Variants in EMC1 observed in about 807,000 individuals in gnomAD.
EMC1 encodes the protein ER membrane protein complex subunit 1, also known as KIAA0090.
Under a neutral mutation model 128.8 loss-of-function variants are expected in EMC1, and 103 were observed. The ratio of observed to expected loss-of-function variants is 0.80; its 90% CI spans 0.68 to 0.94. The LOEUF (loss-of-function observed/expected upper bound fraction) is 0.94, where lower values mean the gene tolerates loss of function less well. Among genes scored for constraint, EMC1 ranks in the 40% least tolerant of loss-of-function variants. EMC1 has a pLI of 0.00. For missense variants in EMC1, 1,083 were observed against 1,250.6 expected, an observed-to-expected ratio of 0.87 and a Z score of 2.02; for synonymous variants, 442 against 490.4, an observed-to-expected ratio of 0.90 and a Z score of 1.30.
rs769716915 is a variant in EMC1 at position 19,251,450 on chromosome 1, G to A, written c.60C>T (p.Ala20=). 4 of 1,614,152 alleles carry A rather than the reference G, an allele frequency of 2.5e-6. No individual in the cohort carries two copies. Among genetic ancestry groups the A allele is most frequent in the Admixed American group, 1.7e-5 (1 of 60,034 alleles). Residue 20 remains alanine, a synonymous_variant, in exon 1 of 23, where the codon GCC becomes GCT. Transcript: ENST00000477853. ...TGCCCACTTGGTCTTCGTAGACCGCGGCCGCAGGAATCAGCAGCGTAGCCC... is the reference window on the plus strand; with the variant it reads ...TGCCCACTTGGTCTTCGTAGACCGCAGCCGCAGGAATCAGCAGCGTAGCCC... ...WLWATLLIPA[A]AVYEDQVGKF...
chr1:19,247,012 T>C (rs1182318890), intron 1 of EMC1, among the ~76,000 whole-genome samples: 1 of 152,178 alleles, frequency 6.6e-6, no homozygotes, highest in Admixed American at 6.5e-5. Context: ...AAAGGCCATG[T>C]AAGGATACAG....
Position 19,236,079 on chromosome 1 carries a change from A to C in EMC1, c.1310-827T>G, listed in dbSNP as rs189609731. 3.2e-3 allele frequency among the ~76,000 whole-genome samples: 487 copies of C among 152,188 alleles called. 1 individual carries two copies. Among genetic ancestry groups the C allele is most frequent in the Admixed American group, 6.4e-3 (98 of 15,274 alleles). On this transcript the variant is annotated intron_variant, in intron 12 of 22. Transcript: ENST00000477853. ...CACCGAGAATGCCAAGTTATTCTTC[A>C]AAAGCAGGTAACGGGGCCGGGCATA...
At chr1:19,240,055 C>T (rs2093595108) in intron 7 of EMC1, 70 bp from the exon 8 acceptor site, 1 of 1,478,258 alleles carries the variant, frequency 6.8e-7, no homozygotes, top group Non-Finnish European at 9.2e-7. Flanking sequence ...AGGCTCACAA[C>T]CTCTGCCCTA....
At chr1:19,224,552 A>G (rs1466877145) in intron 18 of EMC1, among the ~76,000 whole-genome samples, 1 of 152,086 alleles carries the variant, frequency 6.6e-6, no homozygotes, top group Non-Finnish European at 1.5e-5. Flanking sequence ...CTTCAAAAGT[A>G]CCCAGAACCT....
chr1:19,246,173 T>C (rs1273245592), intron 1 of EMC1, among the ~76,000 whole-genome samples: 4 of 151,768 alleles, frequency 2.6e-5, no homozygotes, highest in African/African-American at 9.7e-5. Flanking sequence ...GGTGGATCAT[T>C]TAAGATCAGG....
Position 19,227,370 on chromosome 1 carries a change from G to T in EMC1, c.2145C>A (p.Ser715Arg), listed in dbSNP as rs1432089657. ...GGCCCTGGGAATGAACGTGCTCACT[G>T]CTGCGTTTCCCCTTCACCTTGACGA... ...QRIVKVKGKRSSEHVHSQGRV... is the reference protein window; with the variant it reads ...QRIVKVKGKRRSEHVHSQGRV... The change falls in exon 18 of 23, where the codon AGC becomes AGA. Residue 715 changes from serine (S) to arginine (R), a missense_variant. Transcript: ENST00000477853. 6.2e-7 allele frequency: 1 copy of T among 1,614,082 alleles called. No individual in the cohort carries two copies. The highest frequency in any genetic ancestry group is 1.3e-5 in the African/African-American group (1 of 74,938).
intron 3 of EMC1, 51 bp downstream of exon 3, chr1:19,243,899 A>G (rs2093619581): frequency 6.3e-7 from 1 of 1,593,092 alleles, no homozygotes; most frequent in African/African-American, 1.3e-5. Flanking sequence ...GAGCCAAGGA[A>G]TGGGACAGGG....
Position 19,235,364 on chromosome 1 carries a change from T to C in EMC1, c.1310-112A>G, listed in dbSNP as rs529054488. 65 of 1,146,294 alleles carry C rather than the reference T, an allele frequency of 5.7e-5. No individual in the cohort carries two copies. In the South Asian group the frequency reaches 9.3e-4, roughly 16 times the overall value. 71.0% of individuals were successfully genotyped at this position (1,146,294 alleles called of 1,614,324 possible). A position where few individuals can be genotyped will look rare whatever the true frequency, so the allele number is the denominator to read the frequency against. On this transcript the variant is annotated intron_variant, in intron 12 of 22. Coordinates refer to ENST00000477853, the MANE Select transcript of EMC1 (RefSeq NM_015047.3). ...GGGTGAATCTCTTGAGCCCAGGAATTTGAGACCAGCCTGGACAACAGGGCA... is the reference window on the plus strand; with the variant it reads ...GGGTGAATCTCTTGAGCCCAGGAATCTGAGACCAGCCTGGACAACAGGGCA...
At position 19,235,518 on chromosome 1, in the gene EMC1, T is replaced by C. The variant is rs368932461; in HGVS notation, c.1310-266A>G. ...GAGATCGAGACCATCCTGGCTAACATGGTGAAACCCCTCTCTACTAAAAAT... is the reference window on the plus strand; with the variant it reads ...GAGATCGAGACCATCCTGGCTAACACGGTGAAACCCCTCTCTACTAAAAAT... On this transcript the variant is annotated intron_variant, in intron 12 of 22. Transcript: ENST00000477853. 3.4e-4 allele frequency among the ~76,000 whole-genome samples: 51 copies of C among 152,218 alleles called. 1 individual carries two copies. In the South Asian group the frequency reaches 8.1e-3, roughly 24 times the overall value.
chr1:19,237,022 T>A, intron 12 of EMC1, 120 bp downstream of exon 12: 136 of 456,858 alleles, frequency 3.0e-4, no homozygotes, highest in Non-Finnish European at 4.2e-4. Context: ...AACGAAACAC[T>A]CAGGGCACAC....
intron 13 of EMC1, among the ~76,000 whole-genome samples, chr1:19,234,752 A>T (rs2093550461): frequency 6.6e-6 from 1 of 152,064 alleles, no homozygotes; most frequent in Non-Finnish European, 1.5e-5. Flanking sequence ...AGGCTGAGGC[A>T]GGAGAGCTGC....
intron 1 of EMC1, among the ~76,000 whole-genome samples, chr1:19,249,486 T>C (rs1303866841): frequency 3.3e-5 from 5 of 152,248 alleles, no homozygotes; most frequent in African/African-American, 1.2e-4. Flanking sequence ...GAATAGGCTG[T>C]ACCATATAGC....
chr1:19,238,562 G>T (rs1035512734), intron 10 of EMC1, among the ~76,000 whole-genome samples: 6 of 152,172 alleles, frequency 3.9e-5, no homozygotes, highest in African/African-American at 1.4e-4. Context: ...AAAGAAATGG[G>T]GACGCTGAGG....
chr1:19,232,118 C>T lies in EMC1; in HGVS notation c.1782+506G>A, dbSNP rs560355418. On this transcript the variant is annotated intron_variant, in intron 15 of 22. Coordinates refer to ENST00000477853, the MANE Select transcript of EMC1 (RefSeq NM_015047.3). The stretch of plus-strand genomic sequence containing the variant: ...CTCTACTAAACATACAAAAATCAGC[C>T]GGGCATGATGGCGTGTGCCTGTAAT... Among the ~76,000 whole-genome samples the T allele has an allele frequency of 3.3e-5, 5 of 152,218 alleles. No individual in the cohort carries two copies. In the East Asian group the frequency reaches 7.8e-4, roughly 24 times the overall value.
chr1:19,219,827 C>G (rs2093417856), intron 21 of EMC1, 129 bp from the exon 22 acceptor site: 3 of 986,122 alleles, frequency 3.0e-6, no homozygotes, highest in Non-Finnish European at 4.5e-6. Context: ...GGTCTGCTTG[C>G]ATTAGGTAGT....
chr1:19,231,357 G>A lies in EMC1; in HGVS notation c.1848C>T (p.Pro616=), dbSNP rs1253990574. ...PIFGKWSQVA[P]PVLKRPILQS... ...GCAAGATGGGGCGCTTCAGCACTGG[G>A]GGAGCTACCTGACTCCACTTCCCAA... The change falls in exon 16 of 23, where the codon CCC becomes CCT. Residue 616 remains proline (P), a synonymous_variant. Coordinates refer to ENST00000477853, the MANE Select transcript of EMC1 (RefSeq NM_015047.3). 6.2e-7 allele frequency: 1 copy of A among 1,612,754 alleles called. No homozygotes were observed. The highest frequency in any genetic ancestry group is 8.5e-7 in the Non-Finnish European group (1 of 1,179,706).
At chr1:19,242,240 G>C in intron 5 of EMC1, 105 bp downstream of exon 5, 8 of 1,247,490 alleles carry the variant, frequency 6.4e-6, no homozygotes, top group Non-Finnish European at 9.2e-6. Flanking sequence ...ACACCAACAA[G>C]AGACAGGCCT....
In EMC1 at chr1:19,230,947, G is replaced by C; in HGVS notation, c.1961C>G (p.Ala654Gly). The C allele has an allele frequency of 6.2e-7, 1 of 1,614,148 alleles. No homozygotes were observed. The highest frequency in any genetic ancestry group is 8.5e-7 in the Non-Finnish European group (1 of 1,180,032). The change falls in exon 17 of 23, where the codon GCC (alanine) becomes GGC (glycine). Residue 654 changes from alanine to glycine, a missense_variant. Around this residue, in one of 3 missense-constraint regions of EMC1, gnomAD observed 527 missense variants for 644.1 expected, o/e 0.82. Transcript: ENST00000477853. The stretch of plus-strand genomic sequence containing the variant: ...TAGCTGTCGCAAGACATTCCGAGTG[G>C]CTGGAAAAGCTGTGACCTTGAAAAA... ...DDEYKVTAFP[A>G]TRNVLRQLHE...
In EMC1 at chr1:19,244,734, CA is replaced by C; in HGVS notation, c.220+171del. Reference sequence around the variant, plus strand: ...AAACCGCAAAGGTCAGTTATAGGAACATACAAATATTCAAAGATGGTAAGAC... The same window carrying C: ...AAACCGCAAAGGTCAGTTATAGGAACTACAAATATTCAAAGATGGTAAGAC... On this transcript the variant is annotated intron_variant, in intron 2 of 22. Coordinates refer to ENST00000477853, the MANE Select transcript of EMC1 (RefSeq NM_015047.3). 6.1e-6 allele frequency: 4 copies of C among 657,796 alleles called. 1 individual carries two copies. In the East Asian group the frequency reaches 1.1e-4, roughly 19 times the overall value. The allele number at this position is 657,796 out of a possible 1,614,324, so 40.7% of individuals were successfully genotyped here.
Sources: gnomAD v4.1 joint callset for allele counts (sites outside exome capture counted in the v4.1 genomes callset) on GRCh38, gnomAD v4.1.1 for gene constraint, gnomAD v4.1.1 regional missense constraint, MANE v1.5 for transcripts, NCBI Gene and HGNC (gene_info 2026-07-23, HGNC 2026-07-21) for gene names.